The following ZPBP variants were observed in gnomAD, a reference collection of about 807,000 sequenced individuals.
ZPBP encodes the protein zona pellucida binding protein.
Under a neutral mutation model 44.8 loss-of-function variants are expected in ZPBP, and 26 were observed. The observed-to-expected ratio is 0.58, with a 90% CI of 0.43 to 0.81. The LOEUF (loss-of-function observed/expected upper bound fraction) is 0.81, where lower values mean the gene tolerates loss of function less well. ZPBP is among the 30% of genes least tolerant of loss of function. ZPBP has a pLI of 0.00. For synonymous variants in ZPBP, 174 were observed against 153.2 expected (o/e 1.14, Z -1.00); for missense variants, 409 against 434.0 (o/e 0.94, Z 0.51).
intron 5 of ZPBP, among the ~76,000 whole-genome samples, chr7:50,027,273 C>T (rs187020424): frequency 3.9e-5 from 6 of 152,058 alleles, no homozygotes; most frequent in Admixed American, 1.3e-4. Flanking sequence ...TTGGACTAGA[C>T]TTCTATGACC....
chr7:49,947,598 G>A (rs535899258), intron 7 of ZPBP, among the ~76,000 whole-genome samples: 33 of 152,342 alleles, frequency 2.2e-4, no homozygotes, highest in African/African-American at 7.9e-4. Flanking sequence ...ACTGGAACAA[G>A]AGGAGGGGTG....
intron 2 of ZPBP, among the ~76,000 whole-genome samples, chr7:49,892,740 C>T (rs549738958): frequency 2.6e-4 from 40 of 152,192 alleles, no homozygotes; most frequent in Admixed American, 2.6e-3. Flanking sequence ...GCAAAGGAGA[C>T]AGTGACATTT....
At chr7:49,937,821 C>T (rs538029340) in intron 7 of ZPBP, among the ~76,000 whole-genome samples, 199 bp from the exon 8 acceptor site, 1 of 152,288 alleles carries the variant, frequency 6.6e-6, no homozygotes, top group Admixed American at 6.5e-5. Flanking sequence ...TGTTGGCAAC[C>T]ACCATTCTAC....
At chr7:50,077,249 C>A (rs780890975) in intron 3 of ZPBP, among the ~76,000 whole-genome samples, 10 of 151,752 alleles carry the variant, frequency 6.6e-5, no homozygotes, top group Non-Finnish European at 1.3e-4. Flanking sequence ...AAGATCAAAT[C>A]AAAATAGATT....
chr7:49,883,739 A>G (rs1008773777), intron 2 of ZPBP, among the ~76,000 whole-genome samples: 2 of 152,218 alleles, frequency 1.3e-5, no homozygotes, highest in African/African-American at 4.8e-5. Context: ...AATGAACACA[A>G]ATTTTGGCTT....
At chr7:50,003,982 A>C (rs2170653) in intron 6 of ZPBP, among the ~76,000 whole-genome samples, 43,919 of 152,040 alleles carry the variant, frequency 0.29, 7,001 homozygotes, top group Non-Finnish European at 0.37. Flanking sequence ...TCAGGAAAGC[A>C]GTTTATGAAC....
At chr7:49,968,922 G>C (rs765918157) in intron 7 of ZPBP, among the ~76,000 whole-genome samples, 7 of 151,684 alleles carry the variant, frequency 4.6e-5, no homozygotes, top group Non-Finnish European at 8.8e-5. Context: ...ATAGACATAG[G>C]ATGAATAAAA....
chr7:49,910,138 C>G (rs1298078286), intron 1 of ZPBP, among the ~76,000 whole-genome samples: 1 of 151,936 alleles, frequency 6.6e-6, no homozygotes, highest in Non-Finnish European at 1.5e-5. Context: ...AAAAAGAAAA[C>G]AGAGTTCAGG....
rs576131202 is a variant in ZPBP at position 50,025,172 on chromosome 7, T to C, written c.706+5920A>G. Reference sequence around the variant, plus strand: ...TAAATAAAAAGATATTCCATGTTCATAGATAGGAAGATCCACTATTGTTAC... The same window carrying C: ...TAAATAAAAAGATATTCCATGTTCACAGATAGGAAGATCCACTATTGTTAC... On this transcript the variant is annotated intron_variant, in intron 5 of 7. Transcript: ENST00000046087. Among the ~76,000 whole-genome samples the C allele has an allele frequency of 2.0e-5, 3 of 152,014 alleles. No individual in the cohort carries two copies. In the East Asian group the frequency reaches 5.8e-4, roughly 29 times the overall value.
At chr7:49,938,583 A>G (rs1310138402) in intron 7 of ZPBP, among the ~76,000 whole-genome samples, 1 of 151,460 alleles carries the variant, frequency 6.6e-6, no homozygotes, top group Non-Finnish European at 1.5e-5. Context: ...TAGGCACTCA[A>G]TAAATGCTTA....
intron 7 of ZPBP, among the ~76,000 whole-genome samples, chr7:49,976,321 G>A (rs1796515952): frequency 6.6e-6 from 1 of 151,956 alleles, no homozygotes; most frequent in African/African-American, 2.4e-5. Flanking sequence ...ATTCCCTTTA[G>A]TCCTTTTTTG....
At chr7:50,006,852 A>C (rs1419613321) in intron 6 of ZPBP, among the ~76,000 whole-genome samples, 1 of 152,068 alleles carries the variant, frequency 6.6e-6, no homozygotes, top group Non-Finnish European at 1.5e-5. Context: ...CAGAACTGAA[A>C]GTGAAGAAGT....
intron 3 of ZPBP, among the ~76,000 whole-genome samples, chr7:50,067,282 C>T (rs1801558843): frequency 6.6e-6 from 1 of 152,126 alleles, no homozygotes; most frequent in Non-Finnish European, 1.5e-5. Context: ...GCCCATACAG[C>T]ATTTAAGAGC....
At chr7:49,858,888 T>G (rs139121379) in intron 2 of ZPBP, among the ~76,000 whole-genome samples, 4 of 152,340 alleles carry the variant, frequency 2.6e-5, no homozygotes, top group African/African-American at 9.6e-5. Context: ...TTCCTTAGTA[T>G]TCTCTTCCAG....
At chr7:49,915,291 C>T (rs924519448) in intron 1 of ZPBP, 1 of 152,164 alleles carries the variant, frequency 6.6e-6, no homozygotes, top group African/African-American at 2.4e-5. Context: ...GATGGAGAGG[C>T]ACAGTGTCCT....
At chr7:49,941,426 T>C (rs1334519592) in intron 7 of ZPBP, among the ~76,000 whole-genome samples, 1 of 152,096 alleles carries the variant, frequency 6.6e-6, no homozygotes, top group African/African-American at 2.4e-5. Flanking sequence ...GGAAAAGTGT[T>C]AGATCTGATA....
At chr7:50,068,642 T>A (rs940136503) in intron 3 of ZPBP, among the ~76,000 whole-genome samples, 2 of 152,138 alleles carry the variant, frequency 1.3e-5, no homozygotes, top group Non-Finnish European at 2.9e-5. Context: ...AAATTAGCCT[T>A]TTTAAAGCCT....
intron 2 of ZPBP, among the ~76,000 whole-genome samples, chr7:49,889,004 C>T (rs1051278797): frequency 3.3e-5 from 5 of 152,146 alleles, no homozygotes; most frequent in South Asian, 2.1e-4. Flanking sequence ...ATTGGGCTGA[C>T]GCAAGTAGGG....
intron 3 of ZPBP, among the ~76,000 whole-genome samples, chr7:50,064,614 G>C (rs1801412062): frequency 6.6e-6 from 1 of 152,198 alleles, no homozygotes; most frequent in Admixed American, 6.5e-5. Flanking sequence ...AAAAGAATTA[G>C]AATTCAGTGA....
Sources: gnomAD v4.1 joint callset for allele counts (sites outside exome capture counted in the v4.1 genomes callset) on GRCh38, gnomAD v4.1.1 for gene constraint, MANE v1.5 for transcripts, NCBI Gene and HGNC (gene_info 2026-07-23, HGNC 2026-07-21) for gene names.